Variants in FBXO11 observed in about 807,000 individuals in gnomAD.
FBXO11 encodes the protein F-box protein 11.
FBXO11 carries 13 observed loss-of-function variants against 117.0 expected under a neutral mutation model. That is an observed-to-expected ratio of 0.11 (90% CI 0.07 to 0.18). The LOEUF is 0.18. Among genes scored for constraint, FBXO11 ranks in the 10% least tolerant of loss-of-function variants. The probability of loss-of-function intolerance (pLI) is 1.00; values close to 1 mark genes in which losing one functional copy is unlikely to be tolerated. For missense variants in FBXO11, 767 were observed against 1,164.4 expected (o/e 0.66, Z 4.97); for synonymous variants, 490 against 380.5 (o/e 1.29, Z -3.35).
intron 1 of FBXO11, among the ~76,000 whole-genome samples, chr2:47,860,567 C>T (rs192409073): frequency 2.6e-5 from 4 of 151,898 alleles, no homozygotes; most frequent in South Asian, 2.1e-4. Flanking sequence ...CATGCCACCA[C>T]GCCCAGCTAA....
chr2:47,892,465 T>C (rs1269292891), intron 1 of FBXO11, among the ~76,000 whole-genome samples: 1 of 152,184 alleles, frequency 6.6e-6, no homozygotes, highest in East Asian at 1.9e-4. Context: ...CCTCCCTACA[T>C]CCGGATCTTC....
intron 1 of FBXO11, among the ~76,000 whole-genome samples, chr2:47,880,285 T>C (rs1007066987): frequency 6.6e-6 from 1 of 152,176 alleles, no homozygotes; most frequent in African/African-American, 2.4e-5. Flanking sequence ...TTTAATGTAA[T>C]AGAATTTATC....
chr2:47,880,738 G>C (rs1166935028), intron 1 of FBXO11, among the ~76,000 whole-genome samples: 6 of 151,954 alleles, frequency 3.9e-5, no homozygotes, highest in Non-Finnish European at 8.8e-5. Flanking sequence ...TTGTTTTTTA[G>C]TATGAACTCC....
At chr2:47,898,544 T>C (rs1677847787) in intron 1 of FBXO11, among the ~76,000 whole-genome samples, 1 of 152,188 alleles carries the variant, frequency 6.6e-6, no homozygotes, top group Non-Finnish European at 1.5e-5. Context: ...TCAGGGGAAA[T>C]CTACCCTTCT....
intron 1 of FBXO11, among the ~76,000 whole-genome samples, chr2:47,899,670 T>G (rs1003876541): frequency 6.6e-6 from 1 of 152,200 alleles, no homozygotes; most frequent in African/African-American, 2.4e-5. Flanking sequence ...TCTTCATAAT[T>G]TTATTTTCAC....
rs754499430 is a variant in FBXO11 at position 47,823,343 on chromosome 2, G to A, written c.1416C>T (p.Cys472=). The change falls in exon 12 of 23, where the codon TGC becomes TGT. Residue 472 remains cysteine (C), a synonymous_variant. Transcript: ENST00000403359. ...FDHGMGYFES[C]NIHRNRIAGF... is the part of the protein sequence containing the mutation. ...CTGCTATCCTATTTCTGTGTATATT[G>A]CAACTTTCAAAGTAACCCTGAAAAA... The A allele has an allele frequency of 3.1e-6, 5 of 1,604,300 alleles. No individual in the cohort carries two copies. In the Admixed American group the frequency reaches 5.1e-5, roughly 16 times the overall value.
intron 1 of FBXO11, among the ~76,000 whole-genome samples, chr2:47,844,287 G>T (rs1027839524): frequency 1.3e-5 from 2 of 151,766 alleles, no homozygotes; most frequent in Admixed American, 6.6e-5. Context: ...CTCTTAGATT[G>T]TTCTGTCATT....
At chr2:47,878,654 G>A (rs890607061) in intron 1 of FBXO11, among the ~76,000 whole-genome samples, 1 of 149,778 alleles carries the variant, frequency 6.7e-6, no homozygotes, top group African/African-American at 2.5e-5. Context: ...GAGCCACTGC[G>A]TCCAGCATTT....
rs374868743 is a variant in FBXO11, at chr2:47,878,482, G to A, written c.232+27007C>T. Among the ~76,000 whole-genome samples the A allele has an allele frequency of 5.9e-5, 9 of 151,508 alleles. No individual in the cohort carries two copies. The East Asian group carries it at 7.9e-4, about 13-fold the overall frequency. On this transcript the variant is annotated intron_variant, in intron 1 of 22. Transcript: ENST00000403359. The stretch of plus-strand genomic sequence containing the variant: ...AGCAATTCTCCTGCCTCAGCCTCCC[G>A]AGTAGCTGGGATTACAGGTGCCTGC...
chr2:47,856,794 T>G (rs1674330772), intron 1 of FBXO11, among the ~76,000 whole-genome samples: 1 of 152,230 alleles, frequency 6.6e-6, no homozygotes, highest in Admixed American at 6.5e-5. Context: ...TATTATCAAC[T>G]GTGATAATGA....
intron 12 of FBXO11, 140 bp downstream of exon 12, chr2:47,823,001 GCA>G (rs1167692109): frequency 1.7e-6 from 1 of 579,572 alleles, no homozygotes. Flanking sequence ...TCATTCAGAT[GCA>G]CAGACTTTAA....
At chr2:47,844,807 T>C (rs533496642) in intron 1 of FBXO11, among the ~76,000 whole-genome samples, 4 of 152,250 alleles carry the variant, frequency 2.6e-5, no homozygotes, top group East Asian at 1.9e-4. Flanking sequence ...TGGCTAATTT[T>C]TGTATTTCTG....
At chr2:47,888,871 G>C (rs576110850) in intron 1 of FBXO11, among the ~76,000 whole-genome samples, 1 of 152,204 alleles carries the variant, frequency 6.6e-6, no homozygotes, top group East Asian at 1.9e-4. Flanking sequence ...AAACACATCT[G>C]CTTTTTTAAA....
Position 47,905,619 on chromosome 2 carries a change from C to T in FBXO11, c.102G>A (p.Gln34=). Residue 34 remains glutamine (Q), a synonymous_variant, in exon 1 of 23, where the codon CAG becomes CAA. Coordinates refer to ENST00000403359, the MANE Select transcript of FBXO11 (RefSeq NM_001190274.2). ...GCTGGGGCGGCTGCTGCTGGGGCGG[C>T]TGCGGCGGCGGCTGCTGCGGGGGCT... ...QQQPPQQPPP[Q]PPQQQPPQQQ... is the part of the protein sequence containing the mutation. 1.4e-5 allele frequency: 19 copies of T among 1,374,530 alleles called. No homozygotes were observed. The highest frequency in any genetic ancestry group is 1.7e-5 in the Non-Finnish European group (18 of 1,062,054). The allele number at this position is 1,374,530 out of a possible 1,614,324, so 85.1% of individuals were successfully genotyped here.
intron 1 of FBXO11, among the ~76,000 whole-genome samples, chr2:47,844,589 CTCT>C (rs1288492418): frequency 4.6e-5 from 7 of 152,234 alleles, no homozygotes; most frequent in African/African-American, 1.7e-4. Flanking sequence ...AATTTTCCTC[CTCT>C]TCTTTCCTTC....
intron 1 of FBXO11, among the ~76,000 whole-genome samples, chr2:47,898,629 G>C (rs549585601): frequency 5.9e-5 from 9 of 152,260 alleles, no homozygotes; most frequent in Non-Finnish European, 1.3e-4. Context: ...GTCTCATCTT[G>C]AGACAAATCT....
chr2:47,808,585 GAGTA>G (rs1251899249), intron 21 of FBXO11, 158 bp from the exon 22 acceptor site: 2 of 542,004 alleles, frequency 3.7e-6, no homozygotes, highest in East Asian at 3.0e-5. Context: ...AACTTTAATG[GAGTA>G]AGTGATTTTC....
At chr2:47,901,927 T>C (rs1441937403) in intron 1 of FBXO11, among the ~76,000 whole-genome samples, 2 of 152,244 alleles carry the variant, frequency 1.3e-5, no homozygotes, top group East Asian at 1.9e-4. Context: ...GAATTGTCAC[T>C]GCGTAAAATA....
In FBXO11 at chr2:47,879,964, G is replaced by A. The variant is rs558465873; in HGVS notation, c.232+25525C>T. 1.2e-3 allele frequency among the ~76,000 whole-genome samples: 188 copies of A among 151,308 alleles called. 1 individual carries two copies. Among genetic ancestry groups the A allele is most frequent in the African/African-American group, 4.3e-3 (179 of 41,320 alleles). On this transcript the variant is annotated intron_variant, in intron 1 of 22. Transcript: ENST00000403359. ...TCTAAAGTTTGAATAATATTTCATT[G>A]TATGTATATACATTTTCTTTATCCA...
Sources: allele counts gnomAD v4.1 joint callset (sites outside exome capture counted in the v4.1 genomes callset), GRCh38; gene constraint gnomAD v4.1.1; transcripts MANE v1.5; gene names NCBI Gene and HGNC (gene_info 2026-07-23, HGNC 2026-07-21).